TNFRSF21: variants seen among roughly 807,000 people sequenced by gnomAD.
The protein encoded by TNFRSF21 is tumor necrosis factor receptor superfamily member 21.
Under a neutral mutation model 45.6 loss-of-function variants are expected in TNFRSF21, and 19 were observed. The ratio of observed to expected loss-of-function variants is 0.42; its 90% CI spans 0.29 to 0.61. The LOEUF (loss-of-function observed/expected upper bound fraction) is 0.61. Ranked by LOEUF, TNFRSF21 falls within the 20% of genes least tolerant of loss-of-function variation. TNFRSF21 has a pLI of 0.23. For synonymous variants in TNFRSF21, 314 were observed against 335.5 expected (o/e 0.94, Z 0.70); for missense variants, 737 against 851.5 (o/e 0.87, Z 1.67).
chr6:47,280,032 T>TA (rs1762546311), intron 3 of TNFRSF21, among the ~76,000 whole-genome samples: 4 of 152,186 alleles, frequency 2.6e-5, no homozygotes. Flanking sequence ...TTAAAAACTA[T>TA]AAGTCCATGG....
intron 4 of TNFRSF21, among the ~76,000 whole-genome samples, chr6:47,244,149 A>G (rs1232819472): frequency 2.0e-5 from 3 of 152,170 alleles, no homozygotes; most frequent in South Asian, 2.1e-4. Context: ...GTGAAACCCC[A>G]TCTCTACTAA....
intron 3 of TNFRSF21, among the ~76,000 whole-genome samples, chr6:47,277,985 C>T (rs759390736): frequency 1.3e-5 from 2 of 152,168 alleles, no homozygotes; most frequent in African/African-American, 2.4e-5. Context: ...TAAGCATTTA[C>T]GAAGCTGCCT....
intron 5 of TNFRSF21, among the ~76,000 whole-genome samples, chr6:47,234,453 T>A (rs936689720): frequency 6.6e-6 from 1 of 152,206 alleles, no homozygotes; most frequent in Non-Finnish European, 1.5e-5. Flanking sequence ...CACCGGGCAG[T>A]GCGAGCTGCA....
rs778644346 is a variant in TNFRSF21 at position 47,258,397 on chromosome 6, G to GTTTTTTTTTTTTTTTT, written c.1244-4877_1244-4876insAAAAAAAAAAAAAAAA. ...AAAAGAAAAAAATAAAAGTAATTGT[G>GTTTTTTTTTTTTTTTT]GTTTTTTTTTTTTTTTTGGTCACCA... On this transcript the variant is annotated intron_variant, in intron 3 of 5. Coordinates refer to ENST00000296861, the MANE Select transcript of TNFRSF21 (RefSeq NM_014452.5). Among the ~76,000 whole-genome samples, 2 of 124,554 alleles carry GTTTTTTTTTTTTTTTT rather than the reference G, an allele frequency of 1.6e-5. 1 individual carries two copies. 81.7% of individuals were successfully genotyped at this position (124,554 alleles called of 152,430 possible).
rs149746089 is a variant in TNFRSF21 at position 47,292,920 on chromosome 6, G to A, written c.97-6325C>T. 3.3e-3 allele frequency among the ~76,000 whole-genome samples: 499 copies of A among 152,206 alleles called. 5 individuals carry two copies. Among genetic ancestry groups the A allele is most frequent in the African/African-American group, 0.011 (475 of 41,508 alleles). The stretch of plus-strand genomic sequence containing the variant: ...CCAAAGGGGACTGTCCATACATAGC[G>A]TTCTGTGATTTGCTTTTGTTCATCT... On this transcript the variant is annotated intron_variant, in intron 1 of 5. Transcript: ENST00000296861.
intron 1 of TNFRSF21, among the ~76,000 whole-genome samples, chr6:47,300,151 A>G (rs1198872238): frequency 6.6e-6 from 1 of 152,216 alleles, no homozygotes; most frequent in Non-Finnish European, 1.5e-5. Flanking sequence ...GCAGCCATAA[A>G]GGCTTGAACT....
intron 4 of TNFRSF21, among the ~76,000 whole-genome samples, chr6:47,251,924 T>C (rs1462490251): frequency 6.6e-6 from 1 of 152,210 alleles, no homozygotes; most frequent in Non-Finnish European, 1.5e-5. Context: ...TTGGGTCTAT[T>C]AATAAGTATT....
In TNFRSF21 at chr6:47,245,427, A is replaced by AGTGTGTGT. The variant is rs375623340; in HGVS notation, c.1509+7821_1509+7828dup. Among the ~76,000 whole-genome samples, 19 of 142,188 alleles carry AGTGTGTGT rather than the reference A, an allele frequency of 1.3e-4. 1 individual carries two copies. The highest frequency in any genetic ancestry group is 2.4e-4 in the African/African-American group (9 of 37,824). The allele number at this position is 142,188 out of a possible 152,430, so 93.3% of individuals were successfully genotyped here. A position where few individuals can be genotyped will look rare whatever the true frequency, so the allele number is the denominator to read the frequency against. ...AACCTTAAAGGCAATACTAAGAAGA[A>AGTGTGTGT]GTGTGTGTGTGTGTGTGTGTGTGTG... On this transcript the variant is annotated intron_variant, in intron 4 of 5. Transcript: ENST00000296861.
chr6:47,296,258 G>A (rs769672631), intron 1 of TNFRSF21, among the ~76,000 whole-genome samples: 1 of 152,186 alleles, frequency 6.6e-6, no homozygotes. Flanking sequence ...ACTCTGGCCA[G>A]TGCAGCAACT....
At chr6:47,281,649 G>C (rs983874277) in intron 3 of TNFRSF21, among the ~76,000 whole-genome samples, 4 of 152,074 alleles carry the variant, frequency 2.6e-5, no homozygotes, top group African/African-American at 9.7e-5. Context: ...CCAAAGTGCT[G>C]GGATTACAGG....
At chr6:47,285,556 C>A (rs879390808) in intron 2 of TNFRSF21, among the ~76,000 whole-genome samples, 1 of 152,132 alleles carries the variant, frequency 6.6e-6, no homozygotes, top group Non-Finnish European at 1.5e-5. Context: ...CTGGGACTGA[C>A]TCCATGTTGG....
At chr6:47,298,414 A>G (rs1012085590) in intron 1 of TNFRSF21, among the ~76,000 whole-genome samples, 1 of 152,090 alleles carries the variant, frequency 6.6e-6, no homozygotes, top group East Asian at 1.9e-4. Context: ...ACATGACTGA[A>G]CTACAGCCTG....
At chr6:47,277,071 GCA>G (rs1387059231) in intron 3 of TNFRSF21, among the ~76,000 whole-genome samples, 1 of 152,134 alleles carries the variant, frequency 6.6e-6, no homozygotes, top group East Asian at 1.9e-4. Context: ...TTGGCTCACT[GCA>G]ACCTCTGCCT....
chr6:47,308,502 A>G (rs1415250130), intron 1 of TNFRSF21, among the ~76,000 whole-genome samples: 1 of 152,216 alleles, frequency 6.6e-6, no homozygotes, highest in East Asian at 1.9e-4. Flanking sequence ...CTTCACCCCA[A>G]TATTTGGAAA....
rs34093099 is a variant in TNFRSF21 at position 47,232,624 on chromosome 6, AAC to A, written c.*139_*140del. 0.52 allele frequency: 288,142 copies of A among 558,186 alleles called. 36,841 individuals carry two copies. The highest frequency in any genetic ancestry group is 0.59 in the Admixed American group (18,285 of 31,246). 34.6% of individuals were successfully genotyped at this position (558,186 alleles called of 1,614,324 possible). On this transcript the variant is annotated 3_prime_UTR_variant, in exon 6 of 6. Coordinates refer to ENST00000296861, the MANE Select transcript of TNFRSF21 (RefSeq NM_014452.5). Reference sequence around the variant, plus strand: ...CAAGCACTGGCCATATTCTCTGTTAAACACACACACACACACACACACACACA... The same window carrying A: ...CAAGCACTGGCCATATTCTCTGTTAAACACACACACACACACACACACACA...
intron 1 of TNFRSF21, among the ~76,000 whole-genome samples, chr6:47,307,714 T>G (rs962945994): frequency 6.6e-6 from 1 of 152,240 alleles, no homozygotes; most frequent in South Asian, 2.1e-4. Context: ...TCTCAGTTAG[T>G]TAAGGCAACC....
chr6:47,245,457 T>TG (rs1561939011), intron 4 of TNFRSF21, among the ~76,000 whole-genome samples: 301 of 124,348 alleles, frequency 2.4e-3, no homozygotes, highest in African/African-American at 0.01. Context: ...TGTGTGTGTG[T>TG]TTGTGTGTGT....
chr6:47,249,938 G>A (rs935962690), intron 4 of TNFRSF21, among the ~76,000 whole-genome samples: 1 of 151,410 alleles, frequency 6.6e-6, no homozygotes. Flanking sequence ...AAGAAAAGAT[G>A]GAGAGAGAAA....
chr6:47,306,663 A>G (rs1182271312), intron 1 of TNFRSF21, among the ~76,000 whole-genome samples: 3 of 152,122 alleles, frequency 2.0e-5, no homozygotes, highest in Non-Finnish European at 4.4e-5. Context: ...GTACCTATAT[A>G]TTTGTATTTT....
Sources: allele counts gnomAD v4.1 joint callset (sites outside exome capture counted in the v4.1 genomes callset), GRCh38; gene constraint gnomAD v4.1.1; transcripts MANE v1.5; gene names NCBI Gene and HGNC (gene_info 2026-07-23, HGNC 2026-07-21).